ETV1: variants seen among roughly 807,000 people sequenced by gnomAD.
The protein encoded by ETV1 is ETS variant transcription factor 1, also known as ETS translocation variant 1.
Under a neutral mutation model 62.3 loss-of-function variants are expected in ETV1, and 27 were observed. The observed-to-expected ratio is 0.43, with a 90% CI of 0.32 to 0.60. ETV1 has a LOEUF of 0.60. Ranked by LOEUF, ETV1 falls within the 20% of genes least tolerant of loss-of-function variation. ETV1 has a pLI of 0.06. For missense variants in ETV1, 605 were observed against 605.8 expected (o/e 1.00, Z 0.01); for synonymous variants, 222 against 199.6 (o/e 1.11, Z -0.94).
At chr7:13,934,132 C>A (rs557570272) in intron 8 of ETV1, among the ~76,000 whole-genome samples, 1 of 152,090 alleles carries the variant, frequency 6.6e-6, no homozygotes, top group African/African-American at 2.4e-5. Context: ...AATGGCCCAC[C>A]CTGCAATAAG....
chr7:13,904,518 G>C (rs1187845853), intron 12 of ETV1, among the ~76,000 whole-genome samples: 1 of 152,124 alleles, frequency 6.6e-6, no homozygotes, highest in Admixed American at 6.5e-5. Context: ...TATATAAAAA[G>C]CTTAATCATT....
At chr7:13,988,827 C>G in intron 3 of ETV1, 181 bp downstream of exon 3, 4 of 1,600,624 alleles carry the variant, frequency 2.5e-6, no homozygotes, top group Non-Finnish European at 3.4e-6. Context: ...ATCCAAATCA[C>G]TGAAAGGTAA....
At chr7:13,927,676 T>C (rs1243583018) in intron 9 of ETV1, among the ~76,000 whole-genome samples, 5 of 152,190 alleles carry the variant, frequency 3.3e-5, no homozygotes, top group Non-Finnish European at 7.3e-5. Flanking sequence ...ATCATATTTG[T>C]TGATTGCCAT....
In ETV1 at chr7:13,951,594, G is replaced by C. The variant is rs978842787; in HGVS notation, c.236-12348C>G. On this transcript the variant is annotated intron_variant, in intron 6 of 13. Transcript: ENST00000430479. ...CCAAAAGAGAACATATAGATGACCC[G>C]GTCACATAAAAGCTGACTGGTTACG... 2.0e-5 allele frequency among the ~76,000 whole-genome samples: 3 copies of C among 152,150 alleles called. No homozygotes were observed. In the East Asian group the frequency reaches 5.8e-4, roughly 29 times the overall value.
At chr7:13,910,734 C>T (rs943388301) in intron 10 of ETV1, among the ~76,000 whole-genome samples, 1 of 152,194 alleles carries the variant, frequency 6.6e-6, no homozygotes, top group African/African-American at 2.4e-5. Flanking sequence ...AGCTTTCCTA[C>T]CACGGTTACC....
Position 13,988,242 on chromosome 7 carries a change from G to GCACACA in ETV1, c.46-75_46-70dup, listed in dbSNP as rs59844225. 1.8e-5 allele frequency: 13 copies of GCACACA among 724,118 alleles called. No homozygotes were observed. In the East Asian group the frequency reaches 1.9e-4, roughly 11 times the overall value. 44.9% of individuals were successfully genotyped at this position (724,118 alleles called of 1,614,324 possible). A position where few individuals can be genotyped will look rare whatever the true frequency, so the allele number is the denominator to read the frequency against. On this transcript the variant is annotated intron_variant, in intron 3 of 13. Transcript: ENST00000430479. ...AGATCACACACACGCACACGCGCGC[G>GCACACA]CACACACACACACACAGACATGCAT...
chr7:13,948,630 C>T (rs1562664295), intron 6 of ETV1, among the ~76,000 whole-genome samples: 1 of 152,118 alleles, frequency 6.6e-6, no homozygotes, highest in Non-Finnish European at 1.5e-5. Context: ...TAGTCTAGGG[C>T]TACTTTGAGC....
At position 13,986,395 on chromosome 7, in the gene ETV1, A is replaced by T. The variant is rs532056314; in HGVS notation, c.181+243T>A. 1.0e-4 allele frequency: 151 copies of T among 1,485,528 alleles called. 1 individual carries two copies. In the African/African-American group the frequency reaches 2.0e-3, roughly 20 times the overall value. 92.0% of individuals were successfully genotyped at this position (1,485,528 alleles called of 1,614,324 possible). On this transcript the variant is annotated intron_variant, in intron 5 of 13. Transcript: ENST00000430479. ...AAGTCTTGGTGCATTAGTTCTTGCCAAAAGCAGATGTGATTGTGAGCTGGA... is the reference window on the plus strand; with the variant it reads ...AAGTCTTGGTGCATTAGTTCTTGCCTAAAGCAGATGTGATTGTGAGCTGGA...
chr7:13,979,700 G>A (rs1303535227), intron 5 of ETV1, among the ~76,000 whole-genome samples: 1 of 151,986 alleles, frequency 6.6e-6, no homozygotes, highest in African/African-American at 2.4e-5. Context: ...CAATTACTGG[G>A]CTTTTAAAAA....
At chr7:13,946,887 C>G (rs1788228387) in intron 6 of ETV1, among the ~76,000 whole-genome samples, 1 of 152,198 alleles carries the variant, frequency 6.6e-6, no homozygotes, top group Non-Finnish European at 1.5e-5. Flanking sequence ...CTCGCGGGTT[C>G]AAGTGATTCT....
upstream of ETV1, chr7:13,989,963 G>A (rs947746861): frequency 5.3e-6 from 1 of 189,838 alleles, no homozygotes; most frequent in Non-Finnish European, 1.1e-5. Flanking sequence ...CGTGTGTTTC[G>A]AGTCGCCAGT....
chr7:13,979,190 T>C (rs1007549211), intron 5 of ETV1, among the ~76,000 whole-genome samples: 2 of 152,104 alleles, frequency 1.3e-5, no homozygotes, highest in African/African-American at 4.8e-5. Context: ...ATCAGTTTAC[T>C]AGTGAAAATA....
Position 13,965,875 on chromosome 7 carries a change from G to A in ETV1, c.235+11552C>T, listed in dbSNP as rs1224289499. Among the ~76,000 whole-genome samples the A allele has an allele frequency of 2.0e-5, 3 of 152,098 alleles. 1 individual carries two copies. The highest frequency in any genetic ancestry group is 4.4e-5 in the Non-Finnish European group (3 of 68,022). On this transcript the variant is annotated intron_variant, in intron 6 of 13. Transcript: ENST00000430479. ...TTTTCAAACAATTCAAGCCACCTGT[G>A]CATGAATACGTTTTTTAAAAAATAA...
intron 6 of ETV1, among the ~76,000 whole-genome samples, chr7:13,954,303 C>A (rs183269233): frequency 6.6e-6 from 1 of 152,238 alleles, no homozygotes; most frequent in Admixed American, 6.5e-5. Flanking sequence ...CAGTATAATT[C>A]TAAATTTAGA....
chr7:13,974,643 A>G (rs763012472), intron 6 of ETV1, among the ~76,000 whole-genome samples: 2 of 152,246 alleles, frequency 1.3e-5, no homozygotes, highest in Admixed American at 6.5e-5. Context: ...TATTTTTGAA[A>G]GCTAGGATCA....
chr7:13,980,242 A>G (rs1781849620), intron 5 of ETV1, among the ~76,000 whole-genome samples: 1 of 152,192 alleles, frequency 6.6e-6, no homozygotes, highest in Non-Finnish European at 1.5e-5. Context: ...CTCTAATTTC[A>G]AGTTAGAGTA....
chr7:13,906,670 T>C (rs1782997819), intron 11 of ETV1, 71 bp from the exon 12 acceptor site: 2 of 1,169,020 alleles, frequency 1.7e-6, no homozygotes, highest in Non-Finnish European at 2.4e-6. Flanking sequence ...GTACATTAAA[T>C]CAATCACTAA....
intron 5 of ETV1, among the ~76,000 whole-genome samples, chr7:13,981,544 T>TATAC (rs68083019): frequency 0.5 from 74,583 of 150,668 alleles, 18,687 homozygotes; most frequent in Admixed American, 0.58. Context: ...TATATATATA[T>TATAC]ACACACACAC....
intron 5 of ETV1, among the ~76,000 whole-genome samples, chr7:13,980,248 G>C (rs1033643197): frequency 6.6e-6 from 1 of 152,150 alleles, no homozygotes; most frequent in African/African-American, 2.4e-5. Context: ...TTTCAAGTTA[G>C]AGTAAACGGA....
Sources: gnomAD v4.1 joint callset for allele counts (sites outside exome capture counted in the v4.1 genomes callset) on GRCh38, gnomAD v4.1.1 for gene constraint, MANE v1.5 for transcripts, NCBI Gene and HGNC (gene_info 2026-07-23, HGNC 2026-07-21) for gene names.